The following KCNQ1OT1 variants were observed in gnomAD, a reference collection of about 807,000 sequenced individuals.
The protein encoded by KCNQ1OT1 is KCNQ1 opposite strand/antisense transcript 1.
At position 2,659,242 on chromosome 11, in the gene KCNQ1OT1, G is replaced by C. The variant is rs1386793603; in HGVS notation, n.40753C>G. 1 of 398,572 alleles carries C rather than the reference G, an allele frequency of 2.5e-6. No homozygotes were observed. The highest frequency in any genetic ancestry group is 4.4e-6 in the Non-Finnish European group (1 of 226,052). The allele number at this position is 398,572 out of a possible 1,614,324, so 24.7% of individuals were successfully genotyped here. On this transcript the variant is annotated non_coding_transcript_exon_variant, in exon 1 of 1. Transcript: ENST00000597346. The surrounding 1 kb of genome is among the most constrained non-coding windows in gnomAD (Gnocchi z 4.3). ...TTCCATACCCCTAAAAATACCCTGG[G>C]GTGAGTCTTTTGAAGTCAAGTACTT...
exon 1 of KCNQ1OT1, chr11:2,699,697 C>T (rs12360708): frequency 0.27 from 77,712 of 283,366 alleles, 8,441 homozygotes; most frequent in African/African-American, 0.44. Flanking sequence ...CCGGGTGCCC[C>T]GAGGAGAACG....
Position 2,611,015 on chromosome 11 carries a change from T to C in KCNQ1OT1, n.88980A>G. 1 of 398,502 alleles carries C rather than the reference T, an allele frequency of 2.5e-6. No homozygotes were observed. The highest frequency in any genetic ancestry group is 4.4e-5 in the Admixed American group (1 of 22,730). 24.7% of individuals were successfully genotyped at this position (398,502 alleles called of 1,614,324 possible). On this transcript the variant is annotated non_coding_transcript_exon_variant, in exon 1 of 1. Transcript: ENST00000597346. The surrounding 1 kb of genome is among the most constrained non-coding windows in gnomAD (Gnocchi z 5.3). ...TGAGTTGTCTATTATTGTTCAGTTG[T>C]CTGTTTCTCTCTTCATTTCTGACAG... is the stretch of plus-strand genomic sequence containing the variant.
At chr11:2,662,910 G>A (rs977796964) in exon 1 of KCNQ1OT1, 26 of 398,680 alleles carry the variant, frequency 6.5e-5, no homozygotes, top group African/African-American at 3.7e-4. Flanking sequence ...TGGGGGTCAG[G>A]AGGTTGTCCT....
exon 1 of KCNQ1OT1, chr11:2,622,370 C>G: frequency 5.0e-6 from 2 of 398,246 alleles, no homozygotes; most frequent in Non-Finnish European, 8.9e-6. Flanking sequence ...TTACCTCCAG[C>G]TTTCTTTAGG....
In KCNQ1OT1 at chr11:2,623,514, C is replaced by A. The variant is rs1849209138; in HGVS notation, n.76481G>T. 1 of 398,484 alleles carries A rather than the reference C, an allele frequency of 2.5e-6. No individual in the cohort carries two copies. The highest frequency in any genetic ancestry group is 4.4e-6 in the Non-Finnish European group (1 of 226,066). The allele number at this position is 398,484 out of a possible 1,614,324, so 24.7% of individuals were successfully genotyped here. A position where few individuals can be genotyped will look rare whatever the true frequency, so the allele number is the denominator to read the frequency against. On this transcript the variant is annotated non_coding_transcript_exon_variant, in exon 1 of 1. Coordinates refer to ENST00000597346, the Ensembl canonical transcript of KCNQ1OT1. This position sits in a 1 kb window ranked among gnomAD's most constrained non-coding sequence, Gnocchi z 5.2. ...TTCTAAAATGCAATATGATTGGAAT[C>A]ATACAGTATGTAGTTTCTTCAGATT...
chr11:2,683,790 A>G lies in KCNQ1OT1; in HGVS notation n.16205T>C, dbSNP rs1850439071. On this transcript the variant is annotated non_coding_transcript_exon_variant, in exon 1 of 1. Coordinates refer to ENST00000597346, the Ensembl canonical transcript of KCNQ1OT1. This position sits in a 1 kb window ranked among gnomAD's most constrained non-coding sequence, Gnocchi z 4.7. ...CTCTAAGGCTGGCTGCTCTTACTCTATACCCCAAAATCCCAGCCACTAGCT... is the reference window on the plus strand; with the variant it reads ...CTCTAAGGCTGGCTGCTCTTACTCTGTACCCCAAAATCCCAGCCACTAGCT... 1 of 398,392 alleles carries G rather than the reference A, an allele frequency of 2.5e-6. No individual in the cohort carries two copies. The highest frequency in any genetic ancestry group is 2.1e-5 in the African/African-American group (1 of 48,570). 24.7% of individuals were successfully genotyped at this position (398,392 alleles called of 1,614,324 possible). A position where few individuals can be genotyped will look rare whatever the true frequency, so the allele number is the denominator to read the frequency against.
chr11:2,686,782 A>G (rs931003046), exon 1 of KCNQ1OT1: 27 of 398,544 alleles, frequency 6.8e-5, no homozygotes, highest in Non-Finnish European at 2.2e-5. Context: ...GTGATACACT[A>G]TGATGCACAA....
At position 2,620,197 on chromosome 11, in the gene KCNQ1OT1, A is replaced by ATG; in HGVS notation, n.79796_79797dup. ...TGCTGCAAAGGACGTAAGTTCATTC[A>ATG]TGTATATATATATATTTTTTTTTTT... is the stretch of plus-strand genomic sequence containing the variant. On this transcript the variant is annotated non_coding_transcript_exon_variant, in exon 1 of 1. Transcript: ENST00000597346. This position sits in a 1 kb window ranked among gnomAD's most constrained non-coding sequence, Gnocchi z 4.5. 9.1e-6 allele frequency: 3 copies of ATG among 331,450 alleles called. No homozygotes were observed. The highest frequency in any genetic ancestry group is 1.7e-4 in the South Asian group (1 of 6,054). The allele number at this position is 331,450 out of a possible 1,614,324, so 20.5% of individuals were successfully genotyped here. A position where few individuals can be genotyped will look rare whatever the true frequency, so the allele number is the denominator to read the frequency against.
Position 2,623,499 on chromosome 11 carries a change from C to T in KCNQ1OT1, n.76496G>A. Reference sequence around the variant, plus strand: ...CCATAGCATTGCCTTTTCTAAAATGCAATATGATTGGAATCATACAGTATG... The same window carrying T: ...CCATAGCATTGCCTTTTCTAAAATGTAATATGATTGGAATCATACAGTATG... On this transcript the variant is annotated non_coding_transcript_exon_variant, in exon 1 of 1. Coordinates refer to ENST00000597346, the Ensembl canonical transcript of KCNQ1OT1. This position sits in a 1 kb window ranked among gnomAD's most constrained non-coding sequence, Gnocchi z 5.2. 5.0e-6 allele frequency: 2 copies of T among 398,590 alleles called. No homozygotes were observed. Among genetic ancestry groups the T allele is most frequent in the Non-Finnish European group, 8.8e-6 (2 of 226,060 alleles). The allele number at this position is 398,590 out of a possible 1,614,324, so 24.7% of individuals were successfully genotyped here. A position where few individuals can be genotyped will look rare whatever the true frequency, so the allele number is the denominator to read the frequency against.
exon 1 of KCNQ1OT1, chr11:2,675,181 G>A (rs1355246203): frequency 7.5e-6 from 3 of 398,392 alleles, no homozygotes; most frequent in Non-Finnish European, 8.8e-6. Context: ...GAAAGATTAG[G>A]GCCCCTCTAG....
At position 2,679,700 on chromosome 11, in the gene KCNQ1OT1, T is replaced by A. The variant is rs1444454245; in HGVS notation, n.20295A>T. 4 of 398,564 alleles carry A rather than the reference T, an allele frequency of 1.0e-5. No homozygotes were observed. The highest frequency in any genetic ancestry group is 8.2e-5 in the African/African-American group (4 of 48,724). 24.7% of individuals were successfully genotyped at this position (398,564 alleles called of 1,614,324 possible). On this transcript the variant is annotated non_coding_transcript_exon_variant, in exon 1 of 1. Transcript: ENST00000597346. This position sits in a 1 kb window ranked among gnomAD's most constrained non-coding sequence, Gnocchi z 4.8. ...GATCCCAGATTAGATTTTTTTTAAA[T>A]CAGCCGTTCTCTGTATTCTTGTCCA...
chr11:2,632,643 C>G (rs966810242), exon 1 of KCNQ1OT1: 3 of 398,218 alleles, frequency 7.5e-6, no homozygotes, highest in African/African-American at 6.2e-5. Flanking sequence ...TTCATCAACT[C>G]AAATATCATT....
chr11:2,671,385 G>C lies in KCNQ1OT1; in HGVS notation n.28610C>G, dbSNP rs148241046. On this transcript the variant is annotated non_coding_transcript_exon_variant, in exon 1 of 1. Coordinates refer to ENST00000597346, the Ensembl canonical transcript of KCNQ1OT1. The surrounding 1 kb of genome is among the most constrained non-coding windows in gnomAD (Gnocchi z 4.7). ...TCCTGAAAAAGGTACAGGAACACCTGGCATGCCTCTCCCAGGGTACTCTGG... is the reference window on the plus strand; with the variant it reads ...TCCTGAAAAAGGTACAGGAACACCTCGCATGCCTCTCCCAGGGTACTCTGG... 2.7e-3 allele frequency: 1,093 copies of C among 398,532 alleles called. 12 individuals carry two copies. The highest frequency in any genetic ancestry group is 0.02 in the African/African-American group (960 of 48,706). The allele number at this position is 398,532 out of a possible 1,614,324, so 24.7% of individuals were successfully genotyped here. A position where few individuals can be genotyped will look rare whatever the true frequency, so the allele number is the denominator to read the frequency against.
In KCNQ1OT1 at chr11:2,687,548, C is replaced by G. The variant is rs1013424009; in HGVS notation, n.12447G>C. On this transcript the variant is annotated non_coding_transcript_exon_variant, in exon 1 of 1. Coordinates refer to ENST00000597346, the Ensembl canonical transcript of KCNQ1OT1. The surrounding 1 kb of genome is among the most constrained non-coding windows in gnomAD (Gnocchi z 5.0). The stretch of plus-strand genomic sequence containing the variant: ...TATGGTCCCTTCCCTGGTGCACCTA[C>G]CACAGCCCACTCTGATGACCCCCTG... 5 of 398,618 alleles carry G rather than the reference C, an allele frequency of 1.3e-5. No individual in the cohort carries two copies. Among genetic ancestry groups the G allele is most frequent in the Middle Eastern group, 1.2e-3 (2 of 1,614 alleles). The allele number at this position is 398,618 out of a possible 1,614,324, so 24.7% of individuals were successfully genotyped here.
exon 1 of KCNQ1OT1, chr11:2,641,611 C>T (rs1164276296): frequency 2.5e-6 from 1 of 398,308 alleles, no homozygotes; most frequent in African/African-American, 2.1e-5. Flanking sequence ...GTGATTGTTT[C>T]CCTTGTTGTG....
At chr11:2,610,082 TC>T (rs1223442978) in exon 1 of KCNQ1OT1, 2 of 398,004 alleles carry the variant, frequency 5.0e-6, no homozygotes, top group African/African-American at 4.1e-5. Flanking sequence ...TATTTCTTGT[TC>T]CTCTATTTCT....
chr11:2,679,728 T>C lies in KCNQ1OT1; in HGVS notation n.20267A>G, dbSNP rs1056309378. ...GCCGTTCTCTGTATTCTTGTCCAGA[T>C]GCTGTGGACAGTGATGATGGGAAAA... On this transcript the variant is annotated non_coding_transcript_exon_variant, in exon 1 of 1. Transcript: ENST00000597346. This position sits in a 1 kb window ranked among gnomAD's most constrained non-coding sequence, Gnocchi z 4.8. 5.0e-6 allele frequency: 2 copies of C among 398,468 alleles called. No individual in the cohort carries two copies. The highest frequency in any genetic ancestry group is 3.6e-5 in the East Asian group (1 of 28,086). 24.7% of individuals were successfully genotyped at this position (398,468 alleles called of 1,614,324 possible).
exon 1 of KCNQ1OT1, chr11:2,675,468 C>T (rs1007208552): frequency 1.0e-5 from 4 of 398,474 alleles, no homozygotes; most frequent in African/African-American, 8.2e-5. Flanking sequence ...AAAAAAGTTA[C>T]ATAAAAACGT....
chr11:2,627,234 A>T lies in KCNQ1OT1; in HGVS notation n.72761T>A, dbSNP rs145928927. On this transcript the variant is annotated non_coding_transcript_exon_variant, in exon 1 of 1. Coordinates refer to ENST00000597346, the Ensembl canonical transcript of KCNQ1OT1. The surrounding 1 kb of genome is among the most constrained non-coding windows in gnomAD (Gnocchi z 4.9). The stretch of plus-strand genomic sequence containing the variant: ...ATTAAAAGTGCATATATTTAAGAAC[A>T]TATTTGACCTACTGTGAAATGATTA... 7.0e-5 allele frequency: 28 copies of T among 398,426 alleles called. No individual in the cohort carries two copies. Among genetic ancestry groups the T allele is most frequent in the Admixed American group, 1.3e-4 (3 of 22,712 alleles). The allele number at this position is 398,426 out of a possible 1,614,324, so 24.7% of individuals were successfully genotyped here. A position where few individuals can be genotyped will look rare whatever the true frequency, so the allele number is the denominator to read the frequency against.
Sources: allele counts gnomAD v4.1 joint callset, GRCh38; gene constraint gnomAD v4.1.1; non-coding constraint Gnocchi (gnomAD v3.1); transcripts MANE v1.5; gene names NCBI Gene and HGNC (gene_info 2026-07-23, HGNC 2026-07-21).